The following GLYR1 variants were observed in gnomAD, a reference collection of about 807,000 sequenced individuals.
The protein encoded by GLYR1 is glyoxylate reductase 1 homolog, also known as cytokine-like nuclear factor N-PAC.
Under a neutral mutation model 72.7 loss-of-function variants are expected in GLYR1, and 21 were observed. The ratio of observed to expected loss-of-function variants is 0.29; its 90% confidence interval spans 0.20 to 0.42. The LOEUF (loss-of-function observed/expected upper bound fraction) is 0.42. Among genes scored for constraint, GLYR1 ranks in the 10% least tolerant of loss-of-function variants. The pLI is 1.00. For missense variants in GLYR1, 594 were observed against 712.1 expected, an observed-to-expected ratio of 0.83 and a Z score of 1.89; for synonymous variants, 392 against 270.2, an observed-to-expected ratio of 1.45 and a Z score of -4.42.
intron 15 of GLYR1, among the ~76,000 whole-genome samples, chr16:4,810,060 CT>C (rs2083238149): frequency 6.6e-6 from 1 of 151,912 alleles, no homozygotes; most frequent in Non-Finnish European, 1.5e-5. Context: ...ACTAGATAAA[CT>C]TTTAAGTAAT....
intron 15 of GLYR1, among the ~76,000 whole-genome samples, chr16:4,809,155 A>C (rs1168119380): frequency 6.6e-6 from 1 of 151,862 alleles, no homozygotes; most frequent in Non-Finnish European, 1.5e-5. Flanking sequence ...ATACCATGAA[A>C]ACAATAAGCC....
intron 11 of GLYR1, 96 bp from the exon 12 acceptor site, chr16:4,813,934 C>T: frequency 2.2e-6 from 2 of 917,468 alleles, no homozygotes; most frequent in South Asian, 1.8e-5. Context: ...GCTGTTTTGG[C>T]TCATTTCCTG....
At chr16:4,808,194 T>A (rs1390797968) in intron 15 of GLYR1, among the ~76,000 whole-genome samples, 1 of 137,436 alleles carries the variant, frequency 7.3e-6, no homozygotes, top group Non-Finnish European at 1.5e-5. Context: ...TGAGATCATG[T>A]CACTGCACTC....
At chr16:4,812,319 G>C in intron 12 of GLYR1, 71 bp from the exon 13 acceptor site, 2 of 1,508,304 alleles carry the variant, frequency 1.3e-6, no homozygotes, top group Non-Finnish European at 1.8e-6. Flanking sequence ...CTCAAGGAGT[G>C]TTGCTGAGTG....
chr16:4,839,627 T>A (rs1349678403), intron 3 of GLYR1: 1 of 152,218 alleles, frequency 6.6e-6, no homozygotes. Flanking sequence ...CGAATCCGTA[T>A]AAAGAAGTCC....
In GLYR1 at chr16:4,828,371, G is replaced by A. The variant is rs909065710; in HGVS notation, c.537+3608C>T. ...GGCGTGAGCCACCGCGCCCGGCAAA[G>A]GTATGTACATTTTAAAAAGACATAT... On this transcript the variant is annotated intron_variant, in intron 5 of 15. Coordinates refer to ENST00000321919, the MANE Select transcript of GLYR1 (RefSeq NM_032569.4). Among the ~76,000 whole-genome samples the A allele has an allele frequency of 6.2e-4, 94 of 151,972 alleles. 2 individuals carry two copies. The highest frequency in any genetic ancestry group is 5.2e-4 in the Admixed American group (8 of 15,258).
At chr16:4,819,043 C>T (rs1029192509) in intron 9 of GLYR1, among the ~76,000 whole-genome samples, 11 of 152,216 alleles carry the variant, frequency 7.2e-5, no homozygotes, top group Non-Finnish European at 1.5e-5. Context: ...TGACTTTTAG[C>T]TTGCCAAAGT....
chr16:4,812,165 G>T lies in GLYR1; in HGVS notation c.1203C>A (p.Ile401=). Residue 401 remains isoleucine (I), a synonymous_variant, in exon 13 of 16, where the codon ATC becomes ATA. Transcript: ENST00000321919. ...QQLSNDGMLV[I]LAAGDRGLYE... ...ATAAGCCCCTGTCTCCAGCCGCTAA[G>T]ATCACCAACATCCCGTCATTAGACA... 6.2e-7 allele frequency: 1 copy of T among 1,614,166 alleles called. No individual in the cohort carries two copies. Among genetic ancestry groups the T allele is most frequent in the Non-Finnish European group, 8.5e-7 (1 of 1,180,036 alleles).
At chr16:4,831,874 A>G (rs2084823186) in intron 5 of GLYR1, 105 bp downstream of exon 5, 4 of 1,460,544 alleles carry the variant, frequency 2.7e-6, no homozygotes, top group Non-Finnish European at 3.7e-6. Flanking sequence ...CCACTCCATG[A>G]GCAGAGTATA....
In GLYR1 at chr16:4,803,429, G is replaced by A. The variant is rs983936843; in HGVS notation, c.*1807C>T. 6.6e-5 allele frequency: 10 copies of A among 152,644 alleles called. No homozygotes were observed. The highest frequency in any genetic ancestry group is 2.4e-4 in the African/African-American group (10 of 41,448). The allele number at this position is 152,644 out of a possible 1,614,324, so 9.5% of individuals were successfully genotyped here. A position where few individuals can be genotyped will look rare whatever the true frequency, so the allele number is the denominator to read the frequency against. On this transcript the variant is annotated 3_prime_UTR_variant, in exon 16 of 16. Coordinates refer to ENST00000321919, the MANE Select transcript of GLYR1 (RefSeq NM_032569.4). ...CTTTCTTACAAGCTTTTTCACAAGT[G>A]TCACATTTTCTCCTTAAAAGGGAAG...
At chr16:4,843,391 G>T in intron 3 of GLYR1, 1 of 964,416 alleles carries the variant, frequency 1.0e-6, no homozygotes, top group Non-Finnish European at 1.3e-6. Flanking sequence ...ATGACCTCCA[G>T]TGATCCACCC....
At position 4,847,213 on chromosome 16, in the gene GLYR1, G is replaced by A. The variant is rs747117884; in HGVS notation, c.38+15C>T. 3 of 1,600,298 alleles carry A rather than the reference G, an allele frequency of 1.9e-6. No individual in the cohort carries two copies. Among genetic ancestry groups the A allele is most frequent in the Non-Finnish European group, 2.6e-6 (3 of 1,174,728 alleles). ...TCCCCGGCGCGTCTCGGTTGGCCCG[G>A]CCGCTCGGACTCACCACACCAAGTC... is the stretch of plus-strand genomic sequence containing the variant. On this transcript the variant is annotated intron_variant, in intron 1 of 15. Transcript: ENST00000321919.
At chr16:4,820,435 T>G (rs2083938601) in intron 9 of GLYR1, among the ~76,000 whole-genome samples, 1 of 152,238 alleles carries the variant, frequency 6.6e-6, no homozygotes, top group Non-Finnish European at 1.5e-5. Context: ...AAAGTTTGAC[T>G]AATGGGCCAA....
intron 5 of GLYR1, 136 bp from the exon 6 acceptor site, chr16:4,824,043 G>C (rs1385603279): frequency 1.6e-6 from 1 of 616,062 alleles, no homozygotes; most frequent in Admixed American, 3.1e-5. Context: ...GGAGAAACAA[G>C]CCAGTTCTTC....
intron 9 of GLYR1, among the ~76,000 whole-genome samples, chr16:4,819,389 C>T (rs8054627): frequency 0.044 from 6,729 of 152,152 alleles, 495 homozygotes; most frequent in African/African-American, 0.15. Context: ...CTCACCGCAG[C>T]CTCAAACTCC....
intron 9 of GLYR1, 65 bp from the exon 10 acceptor site, chr16:4,817,762 T>G: frequency 9.8e-7 from 1 of 1,017,288 alleles, no homozygotes; most frequent in Non-Finnish European, 1.6e-6. Context: ...GATGATTCCA[T>G]GCAGCACAAG....
At chr16:4,810,489 G>A (rs370259358) in intron 15 of GLYR1, among the ~76,000 whole-genome samples, 70 of 151,316 alleles carry the variant, frequency 4.6e-4, no homozygotes, top group South Asian at 4.0e-3. Context: ...CAGCCTGGGC[G>A]ACAGAGTGAG....
At chr16:4,833,086 G>C in intron 3 of GLYR1, 174 bp from the exon 4 acceptor site, 4 of 493,704 alleles carry the variant, frequency 8.1e-6, no homozygotes, top group Non-Finnish European at 1.4e-5. Context: ...TATGTCTAAA[G>C]TATATTTTCT....
chr16:4,811,531 G>A (rs149497859), intron 14 of GLYR1, 92 bp downstream of exon 14: 100 of 1,475,298 alleles, frequency 6.8e-5, no homozygotes, highest in Non-Finnish European at 8.8e-5. Context: ...ACTGACTGGG[G>A]AGGGGCATCT....
Sources: gnomAD v4.1 joint callset for allele counts (sites outside exome capture counted in the v4.1 genomes callset) on GRCh38, gnomAD v4.1.1 for gene constraint, MANE v1.5 for transcripts, NCBI Gene and HGNC (gene_info 2026-07-23, HGNC 2026-07-21) for gene names.